The following SIAH3 variants were observed in gnomAD, a reference collection of about 807,000 sequenced individuals.
The protein encoded by SIAH3 is siah E3 ubiquitin protein ligase family member 3.
SIAH3 carries 9 observed loss-of-function variants against 12.6 expected under a neutral mutation model. The observed-to-expected ratio is 0.72, with a 90% CI of 0.43 to 1.25. The LOEUF (loss-of-function observed/expected upper bound fraction) is 1.25, where lower values mean the gene tolerates loss of function less well. SIAH3 is among the 50% of genes most tolerant of loss of function. SIAH3 has a pLI of 0.00. For synonymous variants in SIAH3, 154 were observed against 151.1 expected (o/e 1.02, Z -0.14); for missense variants, 390 against 365.4 (o/e 1.07, Z -0.55).
chr13:45,798,763 C>T (rs1482360093), intron 1 of SIAH3, among the ~76,000 whole-genome samples: 1 of 152,198 alleles, frequency 6.6e-6, no homozygotes, highest in Non-Finnish European at 1.5e-5. Flanking sequence ...TTTGGAGCTT[C>T]CTGATTCAGG....
chr13:45,826,463 GGATGGA>G, intron 1 of SIAH3, among the ~76,000 whole-genome samples: 1 of 140,716 alleles, frequency 7.1e-6, no homozygotes, highest in East Asian at 2.6e-4. Flanking sequence ...ATGGATGAAT[GGATGGA>G]TGGATGGATG....
Position 45,843,030 on chromosome 13 carries a change from C to CTGTGTGTGTGTGTGTGTG in SIAH3, c.135+8464_135+8465insCACACACACACACACACA, listed in dbSNP as rs1236849648. Among the ~76,000 whole-genome samples, 112 of 64,490 alleles carry CTGTGTGTGTGTGTGTGTG rather than the reference C, an allele frequency of 1.7e-3. 1 individual carries two copies. Among genetic ancestry groups the CTGTGTGTGTGTGTGTGTG allele is most frequent in the East Asian group, 3.0e-3 (4 of 1,312 alleles). The allele number at this position is 64,490 out of a possible 152,430, so 42.3% of individuals were successfully genotyped here. ...GAATTGCCATTATTTCTCTCTCTCT[C>CTGTGTGTGTGTGTGTGTG]TCTCTGTGTGTGTGTGTGTGTGTGT... On this transcript the variant is annotated intron_variant, in intron 1 of 1. Transcript: ENST00000400405.
At chr13:45,847,315 G>A (rs1018683027) in intron 1 of SIAH3, among the ~76,000 whole-genome samples, 3 of 152,206 alleles carry the variant, frequency 2.0e-5, no homozygotes, top group Non-Finnish European at 2.9e-5. Context: ...GCCACCTGCT[G>A]TGCTGTATGA....
intron 1 of SIAH3, among the ~76,000 whole-genome samples, chr13:45,815,289 G>A (rs369705460): frequency 1.3e-5 from 2 of 151,924 alleles, no homozygotes; most frequent in African/African-American, 4.8e-5. Flanking sequence ...AAGACTTTGA[G>A]TGAGGCAGAT....
intron 1 of SIAH3, among the ~76,000 whole-genome samples, chr13:45,848,911 T>G (rs1246568068): frequency 6.6e-6 from 1 of 152,222 alleles, no homozygotes; most frequent in African/African-American, 2.4e-5. Flanking sequence ...AGAAGGACTT[T>G]CCTCCTCATT....
intron 1 of SIAH3, among the ~76,000 whole-genome samples, chr13:45,826,492 G>A (rs9316166): frequency 1.5e-4 from 20 of 135,886 alleles, no homozygotes; most frequent in Admixed American, 3.9e-4. Flanking sequence ...TGGATGGATG[G>A]GTGGGTGGAT....
At chr13:45,806,526 C>A (rs180936377) in intron 1 of SIAH3, among the ~76,000 whole-genome samples, 1 of 151,968 alleles carries the variant, frequency 6.6e-6, no homozygotes, top group Non-Finnish European at 1.5e-5. Context: ...TGAGTACACA[C>A]GCATATAAAG....
At position 45,781,176 on chromosome 13, in the gene SIAH3, C is replaced by G. The variant is rs188717239; in HGVS notation, c.*2207G>C. 60 of 152,730 alleles carry G rather than the reference C, an allele frequency of 3.9e-4. No individual in the cohort carries two copies. Among genetic ancestry groups the G allele is most frequent in the African/African-American group, 1.4e-3 (60 of 41,544 alleles). The allele number at this position is 152,730 out of a possible 1,614,324, so 9.5% of individuals were successfully genotyped here. On this transcript the variant is annotated 3_prime_UTR_variant, in exon 2 of 2. Transcript: ENST00000400405. ...GTGTGGCTCAGGTAACTTGGCACAA[C>G]CAGAAGGCAAAGGTGATGTCTGCAG... is the stretch of plus-strand genomic sequence containing the variant.
At chr13:45,830,820 G>A (rs4942447) in intron 1 of SIAH3, among the ~76,000 whole-genome samples, 52,732 of 135,272 alleles carry the variant, frequency 0.39, 10,711 homozygotes, top group East Asian at 0.59. Flanking sequence ...TAGAAGGTGA[G>A]AAAGTACTAA....
intron 1 of SIAH3, among the ~76,000 whole-genome samples, chr13:45,828,128 C>T (rs1950685404): frequency 6.6e-6 from 1 of 152,164 alleles, no homozygotes; most frequent in South Asian, 2.1e-4. Context: ...ATAATAATAA[C>T]TGCTTTACTG....
chr13:45,818,565 T>C (rs543991654), intron 1 of SIAH3, among the ~76,000 whole-genome samples: 3 of 152,250 alleles, frequency 2.0e-5, no homozygotes, highest in African/African-American at 7.2e-5. Context: ...AGGAGAATCA[T>C]TCCTCTTCCA....
intron 1 of SIAH3, among the ~76,000 whole-genome samples, chr13:45,804,322 G>A (rs996369048): frequency 2.0e-5 from 3 of 152,002 alleles, no homozygotes; most frequent in East Asian, 1.9e-4. Context: ...AGCCAGTGGC[G>A]AAAGATCACA....
At chr13:45,806,339 G>A (rs570133107) in intron 1 of SIAH3, among the ~76,000 whole-genome samples, 15 of 152,232 alleles carry the variant, frequency 9.9e-5, no homozygotes, top group African/African-American at 3.4e-4. Flanking sequence ...ATGGTGGACT[G>A]GATAAAGAAA....
intron 1 of SIAH3, among the ~76,000 whole-genome samples, chr13:45,848,364 C>T (rs951385903): frequency 6.6e-6 from 1 of 152,140 alleles, no homozygotes; most frequent in Non-Finnish European, 1.5e-5. Context: ...AAGCTGAGGT[C>T]TCTTATGTTC....
Position 45,806,915 on chromosome 13 carries a change from G to A in SIAH3, c.136-22858C>T, listed in dbSNP as rs372560031. Among the ~76,000 whole-genome samples the A allele has an allele frequency of 1.1e-4, 16 of 152,228 alleles. No homozygotes were observed. The East Asian group carries it at 2.7e-3, about 26-fold the overall frequency. ...ACTGTTATTTAACATTCCACAGGAA[G>A]TAGCCAATGCAATTTGATGGGAAAA... On this transcript the variant is annotated intron_variant, in intron 1 of 1. Coordinates refer to ENST00000400405, the MANE Select transcript of SIAH3 (RefSeq NM_198849.3).
At chr13:45,851,474 T>TA in intron 1 of SIAH3, 21 bp downstream of exon 1, 1 of 1,612,922 alleles carries the variant, frequency 6.2e-7, no homozygotes, top group Non-Finnish European at 8.5e-7. Flanking sequence ...CCGGTGAAGG[T>TA]AAAATGACAC....
At chr13:45,795,527 A>G (rs1950559487) in intron 1 of SIAH3, among the ~76,000 whole-genome samples, 1 of 152,242 alleles carries the variant, frequency 6.6e-6, no homozygotes, top group South Asian at 2.1e-4. Context: ...TGGCATGGTC[A>G]CATAAAGAGT....
intron 1 of SIAH3, among the ~76,000 whole-genome samples, chr13:45,819,570 G>A (rs1369223792): frequency 6.6e-6 from 1 of 152,208 alleles, no homozygotes; most frequent in African/African-American, 2.4e-5. Context: ...AGGTTGTGGT[G>A]GAAATTGGTA....
chr13:45,832,623 G>A (rs1950703308), intron 1 of SIAH3, among the ~76,000 whole-genome samples: 1 of 152,170 alleles, frequency 6.6e-6, no homozygotes, highest in East Asian at 1.9e-4. Flanking sequence ...CTCTTGGCTA[G>A]TGTGAATAAT....
Sources: allele counts gnomAD v4.1 joint callset (sites outside exome capture counted in the v4.1 genomes callset), GRCh38; gene constraint gnomAD v4.1.1; transcripts MANE v1.5; gene names NCBI Gene and HGNC (gene_info 2026-07-23, HGNC 2026-07-21).